Variants in MYO9B observed in about 807,000 individuals in gnomAD.
The protein encoded by MYO9B is myosin IXB.
In MYO9B, 71 loss-of-function variants were observed where a neutral mutation model predicts 229.5. The ratio of observed to expected loss-of-function variants is 0.31; its 90% CI spans 0.26 to 0.38. The LOEUF is 0.38. MYO9B is among the 10% of genes least tolerant of loss of function. The pLI is 1.00. For synonymous variants in MYO9B, 1,185 were observed against 1,235.8 expected, an observed-to-expected ratio of 0.96 and a Z score of 0.86; for missense variants, 2,255 against 2,920.5, an observed-to-expected ratio of 0.77 and a Z score of 5.25.
In MYO9B at chr19:17,112,426, C is replaced by T. The variant is rs983360302; in HGVS notation, c.840+9869C>T. Among the ~76,000 whole-genome samples, 166 of 152,318 alleles carry T rather than the reference C, an allele frequency of 1.1e-3. 1 individual carries two copies. Among genetic ancestry groups the T allele is most frequent in the African/African-American group, 3.9e-3 (163 of 41,582 alleles). Reference sequence around the variant, plus strand: ...AAGCCAGTGGCCAGAGGGAGGCTGGCTTCAGGGAGCAGGGCGGACGGGCCG... The same window carrying T: ...AAGCCAGTGGCCAGAGGGAGGCTGGTTTCAGGGAGCAGGGCGGACGGGCCG... On this transcript the variant is annotated intron_variant, in intron 2 of 39. Transcript: ENST00000682292.
chr19:17,139,695 T>C (rs34354003), intron 2 of MYO9B, among the ~76,000 whole-genome samples: 33,260 of 151,744 alleles, frequency 0.22, 4,519 homozygotes, highest in African/African-American at 0.39. Flanking sequence ...GCCATGATCA[T>C]GCCACTGCAC....
chr19:17,190,719 C>G (rs1191957309), intron 19 of MYO9B, among the ~76,000 whole-genome samples: 3 of 151,328 alleles, frequency 2.0e-5, no homozygotes. Flanking sequence ...ATTACAATGG[C>G]GCAATCTTGG....
Position 17,162,450 on chromosome 19 carries a change from T to C in MYO9B, c.1520T>C (p.Val507Ala). ...INHALLNKKD[V>A]EEAVSCLSIG... ...CACGCACTCCTCAACAAGAAGGACGTGGAAGAGGCAGTCTCGGTGAGTGCC... is the reference window on the plus strand; with the variant it reads ...CACGCACTCCTCAACAAGAAGGACGCGGAAGAGGCAGTCTCGGTGAGTGCC... The change falls in exon 9 of 40, where the codon GTG becomes GCG. Residue 507 changes from valine (V) to alanine (A), a missense_variant. This residue lies in a region of MYO9B where 220 missense variants were observed against 404.5 expected (regional missense o/e 0.54). Transcript: ENST00000682292. 1 of 1,571,184 alleles carries C rather than the reference T, an allele frequency of 6.4e-7. No individual in the cohort carries two copies. The highest frequency in any genetic ancestry group is 8.6e-7 in the Non-Finnish European group (1 of 1,159,468).
At chr19:17,082,432 T>C (rs1405148634) in intron 1 of MYO9B, among the ~76,000 whole-genome samples, 1 of 152,054 alleles carries the variant, frequency 6.6e-6, no homozygotes, top group Non-Finnish European at 1.5e-5. Flanking sequence ...ACAGCAGCAG[T>C]GGGAGGCTCA....
intron 31 of MYO9B, among the ~76,000 whole-genome samples, chr19:17,205,702 G>A (rs1034890235): frequency 6.6e-6 from 1 of 152,100 alleles, no homozygotes; most frequent in East Asian, 1.9e-4. Flanking sequence ...TGGGGGCTAG[G>A]TTATAGCTCT....
chr19:17,187,843 C>A, intron 18 of MYO9B, 92 bp from the exon 19 acceptor site: 1 of 1,035,630 alleles, frequency 9.7e-7, no homozygotes, highest in Non-Finnish European at 1.4e-6. Context: ...GAAGTGCCCT[C>A]ATCTCACAGT....
At chr19:17,159,328 TA>T in intron 7 of MYO9B, 66 bp from the exon 8 acceptor site, 9 of 1,431,156 alleles carry the variant, frequency 6.3e-6, no homozygotes, top group Non-Finnish European at 1.9e-6. Context: ...GCCTCAGTGA[TA>T]CCAGGACATG....
intron 13 of MYO9B, among the ~76,000 whole-genome samples, chr19:17,175,363 T>C (rs942547787): frequency 6.6e-6 from 1 of 150,590 alleles, no homozygotes; most frequent in Non-Finnish European, 1.5e-5. Flanking sequence ...GGTGGGCAGA[T>C]CACCTGAGGT....
Position 17,101,727 on chromosome 19 carries a change from A to G in MYO9B, c.10A>G (p.Lys4Glu). 1 of 1,579,734 alleles carries G rather than the reference A, an allele frequency of 6.3e-7. No homozygotes were observed. The highest frequency in any genetic ancestry group is 2.3e-5 in the East Asian group (1 of 43,482). The change falls in exon 2 of 40, where the codon AAA becomes GAA. Residue 4 changes from lysine to glutamate, a missense_variant. By Grantham distance (56) the Lys-to-Glu change is moderately conservative. Transcript: ENST00000682292. This position sits in a 1 kb window ranked among gnomAD's most constrained non-coding sequence, Gnocchi z 4.7. MSV[K>E]EAGSSGRREQ... ...CCAGGCGGCCGGCAGGATGAGTGTG[A>G]AAGAGGCAGGCAGCTCGGGCCGCCG...
chr19:17,100,726 G>A (rs1053601427), intron 1 of MYO9B, among the ~76,000 whole-genome samples: 3 of 152,244 alleles, frequency 2.0e-5, no homozygotes, highest in Non-Finnish European at 2.9e-5. Context: ...CCCCCAGCCT[G>A]GGCCTGCCTG....
chr19:17,211,503 G>T, intron 38 of MYO9B, 144 bp from the exon 39 acceptor site: 1 of 798,470 alleles, frequency 1.3e-6, no homozygotes, highest in Non-Finnish European at 1.9e-6. Flanking sequence ...TCAAACTCCT[G>T]GGCTCAAGCA....
rs1279309521 is a variant in MYO9B at position 17,206,038 on chromosome 19, G to A, written c.5143G>A (p.Val1715Met). Residue 1715 changes from valine to methionine, a missense_variant, in exon 32 of 40, where the codon GTG (valine) becomes ATG (methionine). Coordinates refer to ENST00000682292, the MANE Select transcript of MYO9B (RefSeq NM_004145.4). ...CAGCGACAAGGCCTCGGTGCCCATC[G>A]TGCTGGAGAAGCTCCTGGAACACGT... ...LTSDKASVPIVLEKLLEHVEM... is the reference protein window; with the variant it reads ...LTSDKASVPIMLEKLLEHVEM... 1.9e-6 allele frequency: 3 copies of A among 1,609,962 alleles called. No homozygotes were observed. Among genetic ancestry groups the A allele is most frequent in the East Asian group, 4.5e-5 (2 of 44,774 alleles).
At position 17,195,819 on chromosome 19, in the gene MYO9B, C is replaced by T. The variant is rs191209022; in HGVS notation, c.4046+346C>T. Among the ~76,000 whole-genome samples, 235 of 152,144 alleles carry T rather than the reference C, an allele frequency of 1.5e-3. No individual in the cohort carries two copies. The highest frequency in any genetic ancestry group is 5.4e-3 in the African/African-American group (223 of 41,504). ...GGTGAACAGGACTAACTGCACTCCT[C>T]GGGGTTAAAGGAGCAGGGGCTTGCT... On this transcript the variant is annotated intron_variant, in intron 22 of 39. Coordinates refer to ENST00000682292, the MANE Select transcript of MYO9B (RefSeq NM_004145.4). The surrounding 1 kb of genome is among the most constrained non-coding windows in gnomAD (Gnocchi z 4.5).
intron 3 of MYO9B, 151 bp from the exon 4 acceptor site, chr19:17,152,493 G>A (rs917044506): frequency 2.6e-5 from 15 of 574,320 alleles, no homozygotes; most frequent in Non-Finnish European, 3.0e-6. Flanking sequence ...AACCCAGGAG[G>A]CAGAGGTTGC....
chr19:17,141,434 A>G (rs948127160), intron 2 of MYO9B, among the ~76,000 whole-genome samples: 1 of 152,030 alleles, frequency 6.6e-6, no homozygotes, highest in Non-Finnish European at 1.5e-5. Flanking sequence ...TCCCCTTGCC[A>G]TGTTACCTCT....
intron 3 of MYO9B, among the ~76,000 whole-genome samples, chr19:17,147,516 C>G (rs1176583462): frequency 7.3e-6 from 1 of 137,420 alleles, no homozygotes; most frequent in East Asian, 2.2e-4. Context: ...TGCACTCCAG[C>G]CTGGGTGACG....
intron 2 of MYO9B, among the ~76,000 whole-genome samples, chr19:17,128,261 T>A (rs1157326869): frequency 6.6e-6 from 1 of 151,908 alleles, no homozygotes; most frequent in East Asian, 1.9e-4. Context: ...CACAGTGGTA[T>A]GCGCCGGTGG....
intron 2 of MYO9B, among the ~76,000 whole-genome samples, chr19:17,144,969 C>CA (rs58527501): frequency 0.04 from 3,282 of 82,730 alleles, 95 homozygotes; most frequent in South Asian, 0.074. Flanking sequence ...GACTTCATCT[C>CA]AAAAAAAAAA....
At chr19:17,202,415 T>C (rs1199870063) in intron 28 of MYO9B, 112 bp downstream of exon 28, 4 of 1,066,246 alleles carry the variant, frequency 3.8e-6, no homozygotes, top group Non-Finnish European at 5.4e-6. Context: ...CACCCACCCA[T>C]GCCCTGCCCA....
Sources: gnomAD v4.1 joint callset for allele counts (sites outside exome capture counted in the v4.1 genomes callset) on GRCh38, gnomAD v4.1.1 for gene constraint, gnomAD v4.1.1 regional missense constraint, Gnocchi (gnomAD v3.1) non-coding constraint, MANE v1.5 for transcripts, NCBI Gene and HGNC (gene_info 2026-07-23, HGNC 2026-07-21) for gene names.